The following NLGN1 variants were observed in gnomAD, a reference collection of about 807,000 sequenced individuals.
The protein encoded by NLGN1 is neuroligin-1.
A neutral mutation model predicts 65.5 loss-of-function variants in NLGN1; 12 were observed. The ratio of observed to expected loss-of-function variants is 0.18; its 90% confidence interval spans 0.12 to 0.30. NLGN1 has a LOEUF of 0.30. Among genes scored for constraint, NLGN1 ranks in the 10% least tolerant of loss-of-function variants. The pLI is 1.00. For synonymous variants in NLGN1, 350 were observed against 359.5 expected (o/e 0.97, Z 0.30); for missense variants, 750 against 1,007.1 (o/e 0.74, Z 3.46).
intron 4 of NLGN1, among the ~76,000 whole-genome samples, chr3:174,112,307 T>C (rs550456593): frequency 2.0e-5 from 3 of 151,978 alleles, no homozygotes; most frequent in Non-Finnish European, 4.4e-5. Context: ...GGAAATCAAT[T>C]AAAAATTTCT....
At chr3:173,744,846 C>T (rs1028475479) in intron 3 of NLGN1, among the ~76,000 whole-genome samples, 75 of 149,406 alleles carry the variant, frequency 5.0e-4, no homozygotes, top group African/African-American at 1.7e-3. Context: ...TTTTTGACAT[C>T]TTTGTTGCTC....
intron 3 of NLGN1, among the ~76,000 whole-genome samples, chr3:173,666,729 C>A (rs898094535): frequency 6.6e-6 from 1 of 152,086 alleles, no homozygotes; most frequent in Non-Finnish European, 1.5e-5. Context: ...TTTAAAAGTT[C>A]ATTTGCATGA....
intron 4 of NLGN1, among the ~76,000 whole-genome samples, chr3:174,062,229 T>G (rs1177733555): frequency 6.6e-6 from 1 of 152,080 alleles, no homozygotes; most frequent in Non-Finnish European, 1.5e-5. Context: ...TTTTGAAGCT[T>G]GGGAGTGAGG....
intron 3 of NLGN1, chr3:173,800,375 T>C: frequency 1.3e-5 from 14 of 1,060,242 alleles, no homozygotes; most frequent in Non-Finnish European, 1.7e-5. Context: ...ACCAAATCTA[T>C]TTGCATGACA....
chr3:173,725,340 A>C (rs1771591628), intron 3 of NLGN1, among the ~76,000 whole-genome samples: 1 of 152,174 alleles, frequency 6.6e-6, no homozygotes, highest in Non-Finnish European at 1.5e-5. Flanking sequence ...GCCAAAAGTT[A>C]CTACATGTTC....
Position 173,539,604 on chromosome 3 carries a change from G to GTA in NLGN1, c.-320-64673_-320-64672dup, listed in dbSNP as rs201298253. Among the ~76,000 whole-genome samples, 715 of 96,734 alleles carry GTA rather than the reference G, an allele frequency of 7.4e-3. 20 individuals carry two copies. The East Asian group carries it at 0.09, about 12-fold the overall frequency. The allele number at this position is 96,734 out of a possible 152,430, so 63.5% of individuals were successfully genotyped here. On this transcript the variant is annotated intron_variant, in intron 2 of 6. Coordinates refer to ENST00000457714, the Ensembl canonical transcript of NLGN1. ...ATGTTATATATGTTATATAATATAT[G>GTA]TATGTTATATATTATATATTTATAT...
In NLGN1 at chr3:173,875,620, T is replaced by C. The variant is rs118013492; in HGVS notation, c.646+67788T>C. On this transcript the variant is annotated intron_variant, in intron 4 of 6. Coordinates refer to ENST00000457714, the Ensembl canonical transcript of NLGN1. ...TTCCAAATAATTTTGAACAAAAAAG[T>C]ACCATTATTTTTAAATGAGAAAATA... Among the ~76,000 whole-genome samples, 81 of 152,288 alleles carry C rather than the reference T, an allele frequency of 5.3e-4. 1 individual carries two copies. The East Asian group carries it at 0.013, about 25-fold the overall frequency.
At chr3:173,993,425 A>C (rs187492768) in intron 4 of NLGN1, among the ~76,000 whole-genome samples, 1 of 152,116 alleles carries the variant, frequency 6.6e-6, no homozygotes, top group African/African-American at 2.4e-5. Flanking sequence ...GATATGATTC[A>C]CTCTCTTTGT....
intron 2 of NLGN1, among the ~76,000 whole-genome samples, chr3:173,486,595 G>T (rs917535357): frequency 6.6e-6 from 1 of 152,114 alleles, no homozygotes; most frequent in South Asian, 2.1e-4. Flanking sequence ...TACTTCTGTG[G>T]ATATCAGAAC....
intron 4 of NLGN1, among the ~76,000 whole-genome samples, chr3:173,823,737 A>G (rs1207059797): frequency 1.3e-5 from 2 of 152,070 alleles, no homozygotes; most frequent in East Asian, 1.9e-4. Context: ...CATTGTTGTA[A>G]ATAAAGTTTT....
chr3:174,027,334 G>A (rs1729049329), intron 4 of NLGN1, among the ~76,000 whole-genome samples: 1 of 152,176 alleles, frequency 6.6e-6, no homozygotes, highest in East Asian at 1.9e-4. Flanking sequence ...ATTCGAATTT[G>A]TTTAGTTTGT....
At chr3:173,777,436 A>G (rs1398689035) in intron 3 of NLGN1, among the ~76,000 whole-genome samples, 1 of 151,918 alleles carries the variant, frequency 6.6e-6, no homozygotes, top group African/African-American at 2.4e-5. Flanking sequence ...GTTTCAATAC[A>G]TTTATACATT....
chr3:174,242,832 C>T (rs936459934), intron 4 of NLGN1, among the ~76,000 whole-genome samples: 2 of 152,002 alleles, frequency 1.3e-5, no homozygotes, highest in Non-Finnish European at 2.9e-5. Flanking sequence ...AATTGGCTTC[C>T]ACAAAACTGG....
chr3:174,137,001 A>G (rs961452387), intron 4 of NLGN1, among the ~76,000 whole-genome samples: 3 of 152,146 alleles, frequency 2.0e-5, no homozygotes, highest in Non-Finnish European at 4.4e-5. Context: ...TGTTCAAAAC[A>G]CTTACATTAG....
At chr3:173,686,856 G>A (rs1422640966) in intron 3 of NLGN1, among the ~76,000 whole-genome samples, 1 of 152,112 alleles carries the variant, frequency 6.6e-6, no homozygotes, top group Non-Finnish European at 1.5e-5. Context: ...AGGAGGCTGA[G>A]GCAGGAGAAT....
At chr3:173,810,137 G>A (rs1717565825) in intron 4 of NLGN1, among the ~76,000 whole-genome samples, 1 of 152,148 alleles carries the variant, frequency 6.6e-6, no homozygotes, top group Non-Finnish European at 1.5e-5. Context: ...CCAAAAATAT[G>A]TGTTGGGTAT....
At chr3:174,275,839 A>ATCTT (rs1299943881) in intron 5 of NLGN1, among the ~76,000 whole-genome samples, 1 of 151,940 alleles carries the variant, frequency 6.6e-6, no homozygotes, top group Non-Finnish European at 1.5e-5. Flanking sequence ...CAGTTTTGTC[A>ATCTT]TCTTTGTTTA....
chr3:173,541,641 C>G (rs1738881709), intron 2 of NLGN1, among the ~76,000 whole-genome samples: 1 of 152,138 alleles, frequency 6.6e-6, no homozygotes, highest in Non-Finnish European at 1.5e-5. Context: ...GGTAAACTTT[C>G]TGATTCTTTG....
At chr3:173,518,518 A>G (rs1734233090) in intron 2 of NLGN1, among the ~76,000 whole-genome samples, 1 of 149,428 alleles carries the variant, frequency 6.7e-6, no homozygotes, top group Non-Finnish European at 1.5e-5. Context: ...TTATATATAT[A>G]TGAGTATGTG....
Sources: allele counts gnomAD v4.1 joint callset (sites outside exome capture counted in the v4.1 genomes callset), GRCh38; gene constraint gnomAD v4.1.1; transcripts MANE v1.5; gene names NCBI Gene and HGNC (gene_info 2026-07-23, HGNC 2026-07-21).